Variants in MEI4 observed in about 807,000 individuals in gnomAD.
MEI4 encodes meiosis-specific protein MEI4.
A neutral mutation model predicts 31.4 loss-of-function variants in MEI4; 27 were observed. The ratio of observed to expected loss-of-function variants is 0.86; its 90% CI spans 0.63 to 1.19. The LOEUF is 1.19. Ranked by LOEUF, MEI4 falls within the 50% of genes most tolerant of loss-of-function variation. MEI4 has a pLI of 0.00. For missense variants in MEI4, 329 were observed against 398.9 expected, an observed-to-expected ratio of 0.82 and a Z score of 1.49; for synonymous variants, 122 against 145.4, an observed-to-expected ratio of 0.84 and a Z score of 1.16.
chr6:77,651,406 C>A (rs1013468830), upstream of MEI4, among the ~76,000 whole-genome samples: 2 of 152,132 alleles, frequency 1.3e-5, no homozygotes, highest in African/African-American at 4.8e-5. Flanking sequence ...GACTTGAATT[C>A]CATCAGGAAC....
At chr6:77,890,399 G>T (rs1771731076) in intron 4 of MEI4, among the ~76,000 whole-genome samples, 2 of 152,172 alleles carry the variant, frequency 1.3e-5, no homozygotes, top group Admixed American at 6.5e-5. Context: ...TTTGCATGGG[G>T]CCTGTAGCAC....
intron 1 of MEI4, among the ~76,000 whole-genome samples, chr6:77,660,582 G>T (rs1028870692): frequency 1.3e-5 from 2 of 151,784 alleles, no homozygotes; most frequent in African/African-American, 4.8e-5. Flanking sequence ...AAGTGGTGGG[G>T]GTGACTTCGT....
At chr6:77,866,893 G>C (rs957526582) in intron 4 of MEI4, among the ~76,000 whole-genome samples, 6 of 152,170 alleles carry the variant, frequency 3.9e-5, no homozygotes, top group Non-Finnish European at 8.8e-5. Flanking sequence ...CAATGGAACA[G>C]AACAGAGCTC....
chr6:77,733,542 C>T (rs1002566403), intron 2 of MEI4, among the ~76,000 whole-genome samples: 18 of 151,938 alleles, frequency 1.2e-4, no homozygotes, highest in Admixed American at 3.3e-4. Flanking sequence ...GTCTTGCTAG[C>T]GGTTTATCAG....
chr6:77,710,689 C>A (rs946808913), intron 2 of MEI4, among the ~76,000 whole-genome samples: 1 of 152,136 alleles, frequency 6.6e-6, no homozygotes, highest in Non-Finnish European at 1.5e-5. Context: ...CAGTGACTCT[C>A]AACCCTAGCT....
intron 2 of MEI4, among the ~76,000 whole-genome samples, chr6:77,759,210 C>T (rs1317905185): frequency 2.0e-5 from 3 of 151,940 alleles, no homozygotes; most frequent in African/African-American, 7.3e-5. Context: ...ATCATTTTTT[C>T]TTGTACCTTT....
At chr6:77,919,286 A>G (rs1252082408) in intron 4 of MEI4, among the ~76,000 whole-genome samples, 4 of 152,126 alleles carry the variant, frequency 2.6e-5, no homozygotes, top group Non-Finnish European at 5.9e-5. Flanking sequence ...AACAGAGATT[A>G]TAACAAACTA....
At chr6:77,663,952 G>A (rs1375273639) in intron 1 of MEI4, among the ~76,000 whole-genome samples, 33 of 152,296 alleles carry the variant, frequency 2.2e-4, no homozygotes, top group Middle Eastern at 3.4e-3. Context: ...CAGATGGGAC[G>A]CGGCTTAAGA....
intron 3 of MEI4, among the ~76,000 whole-genome samples, chr6:77,794,117 A>C (rs1299791924): frequency 6.6e-6 from 1 of 152,220 alleles, no homozygotes; most frequent in Non-Finnish European, 1.5e-5. Context: ...GCGATATTCC[A>C]TTCAGATAGT....
At chr6:77,853,137 G>A (rs1770669444) in intron 4 of MEI4, among the ~76,000 whole-genome samples, 1 of 152,182 alleles carries the variant, frequency 6.6e-6, no homozygotes. Context: ...GGTGGAGGTT[G>A]CAGTGAGCCG....
chr6:77,733,371 T>G lies in MEI4; in HGVS notation c.233-27759T>G, dbSNP rs781415112. ...TTAGTCTTGGGAGAGTGTATGTGTCTAGGAATTTATCCATTTCTTCTAGAT... is the reference window on the plus strand; with the variant it reads ...TTAGTCTTGGGAGAGTGTATGTGTCGAGGAATTTATCCATTTCTTCTAGAT... On this transcript the variant is annotated intron_variant, in intron 2 of 4. Coordinates refer to ENST00000684080, the MANE Select transcript of MEI4 (RefSeq NM_001322247.2). Among the ~76,000 whole-genome samples, 383 of 152,120 alleles carry G rather than the reference T, an allele frequency of 2.5e-3. 1 individual carries two copies. Among genetic ancestry groups the G allele is most frequent in the Non-Finnish European group, 4.4e-3 (296 of 67,990 alleles).
chr6:77,694,345 T>C (rs1303144804), intron 2 of MEI4, among the ~76,000 whole-genome samples: 1 of 152,066 alleles, frequency 6.6e-6, no homozygotes, highest in Non-Finnish European at 1.5e-5. Context: ...ATGTGTCATG[T>C]TGGTGTGCTG....
intron 2 of MEI4, among the ~76,000 whole-genome samples, chr6:77,745,447 C>T (rs1767567413): frequency 6.6e-6 from 1 of 151,960 alleles, no homozygotes; most frequent in African/African-American, 2.4e-5. Flanking sequence ...GCACCCAATA[C>T]AGGAGCACCC....
At chr6:77,734,725 A>G (rs1767129465) in intron 2 of MEI4, among the ~76,000 whole-genome samples, 1 of 150,672 alleles carries the variant, frequency 6.6e-6, no homozygotes, top group South Asian at 2.1e-4. Flanking sequence ...GTTTCTTCCT[A>G]GTCTCGATGG....
intron 3 of MEI4, among the ~76,000 whole-genome samples, chr6:77,800,612 G>C (rs1181754121): frequency 1.3e-5 from 2 of 152,188 alleles, no homozygotes; most frequent in South Asian, 4.1e-4. Context: ...CATTCAGTAT[G>C]ATATTGGCTG....
chr6:77,767,961 C>T (rs1768216066), intron 3 of MEI4, among the ~76,000 whole-genome samples: 1 of 152,152 alleles, frequency 6.6e-6, no homozygotes, highest in Admixed American at 6.5e-5. Context: ...CATTTAAATA[C>T]CTCTTATTAA....
intron 4 of MEI4, among the ~76,000 whole-genome samples, chr6:77,912,381 A>G (rs1562035958): frequency 6.6e-6 from 1 of 152,092 alleles, no homozygotes; most frequent in African/African-American, 2.4e-5. Flanking sequence ...TATTTTAAAA[A>G]GGATTGTATT....
chr6:77,910,894 T>TCCTTTTTA (rs1766418754), intron 4 of MEI4, among the ~76,000 whole-genome samples: 1 of 151,418 alleles, frequency 6.6e-6, no homozygotes, highest in Non-Finnish European at 1.5e-5. Context: ...ACATAAACAT[T>TCCTTTTTA]CCTTTTTATC....
chr6:77,676,947 T>A (rs1195123745), intron 1 of MEI4, among the ~76,000 whole-genome samples: 1 of 152,156 alleles, frequency 6.6e-6, no homozygotes. Context: ...TTTCTGTCAT[T>A]GAGTTGTCAC....
Sources: gnomAD v4.1 joint callset for allele counts (sites outside exome capture counted in the v4.1 genomes callset) on GRCh38, gnomAD v4.1.1 for gene constraint, MANE v1.5 for transcripts, NCBI Gene and HGNC (gene_info 2026-07-23, HGNC 2026-07-21) for gene names.